Variants in TC2N observed in about 807,000 individuals in gnomAD.
TC2N encodes tandem C2 domains nuclear protein.
Under a neutral mutation model 61.9 loss-of-function variants are expected in TC2N, and 51 were observed. That is an observed-to-expected ratio of 0.82 (90% confidence interval 0.66 to 1.04). The LOEUF (loss-of-function observed/expected upper bound fraction) is 1.04, where lower values mean the gene tolerates loss of function less well. Ranked by LOEUF, TC2N falls within the 50% of genes least tolerant of loss-of-function variation. TC2N has a pLI of 0.00. For synonymous variants in TC2N, 204 were observed against 192.6 expected (o/e 1.06, Z -0.49); for missense variants, 556 against 566.7 (o/e 0.98, Z 0.19).
At position 91,783,227 on chromosome 14, in the gene TC2N, G is replaced by T; in HGVS notation, c.1363-17C>A. 2 of 1,398,974 alleles carry T rather than the reference G, an allele frequency of 1.4e-6. No homozygotes were observed. Among genetic ancestry groups the T allele is most frequent in the Non-Finnish European group, 2.0e-6 (2 of 989,512 alleles). 86.7% of individuals were successfully genotyped at this position (1,398,974 alleles called of 1,614,324 possible). On this transcript the variant is annotated splice_polypyrimidine_tract_variant and intron_variant, in intron 11 of 11. Transcript: ENST00000435962. Reference sequence around the variant, plus strand: ...TATCCAAATCTGTAAAGGAAAGTATGTACAATCATTTAACTTGACACAATA... The same window carrying T: ...TATCCAAATCTGTAAAGGAAAGTATTTACAATCATTTAACTTGACACAATA...
chr14:91,793,419 C>T (rs1885752747), intron 8 of TC2N, among the ~76,000 whole-genome samples: 1 of 152,142 alleles, frequency 6.6e-6, no homozygotes, highest in Non-Finnish European at 1.5e-5. Flanking sequence ...CTGTACTTTG[C>T]TTTAATGTGC....
In TC2N at chr14:91,798,935, C is replaced by T. The variant is rs1311361519; in HGVS notation, c.637+54G>A. On this transcript the variant is annotated intron_variant, in intron 6 of 11. Transcript: ENST00000435962. ...CCTTATATACACTTTCAAGTTACTA[C>T]TGAGTAGAAATAATTATCTTAAGAG... 5 of 1,181,408 alleles carry T rather than the reference C, an allele frequency of 4.2e-6. No individual in the cohort carries two copies. The African/African-American group carries it at 6.2e-5, about 15-fold the overall frequency. 73.2% of individuals were successfully genotyped at this position (1,181,408 alleles called of 1,614,324 possible). A position where few individuals can be genotyped will look rare whatever the true frequency, so the allele number is the denominator to read the frequency against.
At chr14:91,844,118 A>T (rs1255389084) in intron 1 of TC2N, among the ~76,000 whole-genome samples, 1 of 152,114 alleles carries the variant, frequency 6.6e-6, no homozygotes, top group Non-Finnish European at 1.5e-5. Flanking sequence ...GCTTTTAAAG[A>T]GTTATCCCAT....
At chr14:91,788,593 G>A (rs1431569307) in intron 9 of TC2N, among the ~76,000 whole-genome samples, 1 of 152,080 alleles carries the variant, frequency 6.6e-6, no homozygotes, top group African/African-American at 2.4e-5. Context: ...ACATTGCTCA[G>A]TATTCCCCAA....
chr14:91,806,390 T>G (rs575204408), intron 3 of TC2N, among the ~76,000 whole-genome samples: 2 of 152,264 alleles, frequency 1.3e-5, no homozygotes, highest in East Asian at 3.9e-4. Context: ...CAGGAAGATG[T>G]GGGAAAGTTA....
Position 91,792,560 on chromosome 14 carries a change from T to TA in TC2N, c.856-3_856-2insT. On this transcript the variant is annotated splice_region_variant and splice_polypyrimidine_tract_variant and intron_variant, in intron 8 of 11. Coordinates refer to ENST00000435962, the MANE Select transcript of TC2N (RefSeq NM_001128596.3). ...AAACGTTTCCATAAATTCAATAGCC[T>TA]TAAAAAAAAAACAAGAAAACATAAA... 1 of 1,458,798 alleles carries TA rather than the reference T, an allele frequency of 6.9e-7. No homozygotes were observed. The highest frequency in any genetic ancestry group is 1.4e-5 in the South Asian group (1 of 70,960). 90.4% of individuals were successfully genotyped at this position (1,458,798 alleles called of 1,614,324 possible).
chr14:91,792,425 G>A lies in TC2N; in HGVS notation c.989C>T (p.Thr330Ile). The change falls in exon 9 of 12, where the codon ACC (threonine) becomes ATC (isoleucine). Residue 330 changes from threonine (T) to isoleucine (I), a missense_variant. Transcript: ENST00000435962. ...GTAATCCATTTCCTGTGTGCTAAGG[G>A]TTCTGAGTGACATTGAGCATTCTCC... ...TIGECSMSLR[T>I]LSTQEMDYSL... 6.2e-7 allele frequency: 1 copy of A among 1,610,572 alleles called. No individual in the cohort carries two copies. The highest frequency in any genetic ancestry group is 8.5e-7 in the Non-Finnish European group (1 of 1,177,862).
intron 1 of TC2N, among the ~76,000 whole-genome samples, chr14:91,855,060 T>C (rs1348632156): frequency 6.6e-6 from 1 of 151,914 alleles, no homozygotes; most frequent in Non-Finnish European, 1.5e-5. Flanking sequence ...AATTTGGAGT[T>C]TGGGGACTGT....
rs755107608 is a variant in TC2N, at chr14:91,783,216, A to T, written c.1363-6T>A. On this transcript the variant is annotated splice_polypyrimidine_tract_variant and splice_region_variant and intron_variant, in intron 11 of 11. Transcript: ENST00000435962. ...CTGTCTTCACTTATCCAAATCTGTA[A>T]AGGAAAGTATGTACAATCATTTAAC... is the stretch of plus-strand genomic sequence containing the variant. 1.3e-6 allele frequency: 2 copies of T among 1,512,936 alleles called. No individual in the cohort carries two copies. The highest frequency in any genetic ancestry group is 1.8e-6 in the Non-Finnish European group (2 of 1,090,440). The allele number at this position is 1,512,936 out of a possible 1,614,324, so 93.7% of individuals were successfully genotyped here.
chr14:91,823,023 T>C (rs559134023), intron 1 of TC2N, among the ~76,000 whole-genome samples: 5 of 152,076 alleles, frequency 3.3e-5, no homozygotes, highest in African/African-American at 1.2e-4. Flanking sequence ...CCTATACTCA[T>C]TATCTTGACT....
chr14:91,784,962 A>T (rs1331093932), intron 11 of TC2N, among the ~76,000 whole-genome samples, 200 bp downstream of exon 11: 1 of 152,168 alleles, frequency 6.6e-6, no homozygotes, highest in East Asian at 1.9e-4. Context: ...TTAAAGATAA[A>T]CCTGATTGCT....
At chr14:91,852,885 C>T (rs1888402591) in intron 1 of TC2N, among the ~76,000 whole-genome samples, 1 of 152,058 alleles carries the variant, frequency 6.6e-6, no homozygotes, top group Admixed American at 6.6e-5. Flanking sequence ...TCCTGGCTAA[C>T]ACGGTGAAAC....
intron 8 of TC2N, among the ~76,000 whole-genome samples, chr14:91,793,387 AATACAGGC>A (rs1402406187): frequency 5.3e-5 from 8 of 152,186 alleles, no homozygotes; most frequent in Non-Finnish European, 1.0e-4. Flanking sequence ...AAATATTTTG[AATACAGGC>A]ATACCTCATT....
Position 91,783,228 on chromosome 14 carries a change from T to A in TC2N, c.1363-18A>T. 1 of 1,380,192 alleles carries A rather than the reference T, an allele frequency of 7.2e-7. No homozygotes were observed. The highest frequency in any genetic ancestry group is 1.0e-6 in the Non-Finnish European group (1 of 972,622). 85.5% of individuals were successfully genotyped at this position (1,380,192 alleles called of 1,614,324 possible). On this transcript the variant is annotated intron_variant, in intron 11 of 11. Transcript: ENST00000435962. ...ATCCAAATCTGTAAAGGAAAGTATG[T>A]ACAATCATTTAACTTGACACAATAA...
At chr14:91,858,086 C>T in intron 1 of TC2N, among the ~76,000 whole-genome samples, 1 of 151,526 alleles carries the variant, frequency 6.6e-6, no homozygotes, top group East Asian at 1.9e-4. Flanking sequence ...TCACTTCAAC[C>T]TCTTGAGTAG....
intron 1 of TC2N, among the ~76,000 whole-genome samples, chr14:91,855,117 A>G (rs1339683436): frequency 2.0e-5 from 3 of 152,104 alleles, no homozygotes; most frequent in Admixed American, 2.0e-4. Context: ...GAAAGGAAGG[A>G]TGGGTGGTTG....
chr14:91,803,043 A>G (rs572144696), intron 3 of TC2N, among the ~76,000 whole-genome samples: 10 of 152,322 alleles, frequency 6.6e-5, no homozygotes, highest in Non-Finnish European at 1.2e-4. Flanking sequence ...ATAGAAAAAG[A>G]GATCAATAGC....
intron 1 of TC2N, among the ~76,000 whole-genome samples, chr14:91,814,945 A>G (rs1886943930): frequency 6.6e-6 from 1 of 151,460 alleles, no homozygotes; most frequent in Admixed American, 6.6e-5. Context: ...ATCACATTGT[A>G]TACAATAAAT....
chr14:91,788,674 T>C (rs1257466606), intron 9 of TC2N, among the ~76,000 whole-genome samples: 1 of 152,126 alleles, frequency 6.6e-6, no homozygotes, highest in African/African-American at 2.4e-5. Context: ...CCTCTCCATA[T>C]ACATAACATT....
Sources: gnomAD v4.1 joint callset for allele counts (sites outside exome capture counted in the v4.1 genomes callset) on GRCh38, gnomAD v4.1.1 for gene constraint, MANE v1.5 for transcripts, NCBI Gene and HGNC (gene_info 2026-07-23, HGNC 2026-07-21) for gene names.